CACNA2D3: variants seen among roughly 807,000 people sequenced by gnomAD.
CACNA2D3 encodes calcium voltage-gated channel auxiliary subunit alpha2delta 3.
A neutral mutation model predicts 160.6 loss-of-function variants in CACNA2D3; 60 were observed. The ratio of observed to expected loss-of-function variants is 0.37; its 90% CI spans 0.30 to 0.46. CACNA2D3 has a LOEUF of 0.46. Ranked by LOEUF, CACNA2D3 falls within the 20% of genes least tolerant of loss-of-function variation. The probability of loss-of-function intolerance (pLI) is 1.00; values close to 1 mark genes in which losing one functional copy is unlikely to be tolerated. For missense variants in CACNA2D3, 1,205 were observed against 1,365.0 expected, an observed-to-expected ratio of 0.88 and a Z score of 1.85; for synonymous variants, 558 against 492.9, an observed-to-expected ratio of 1.13 and a Z score of -1.75.
At chr3:54,359,607 G>T (rs1698708787) in intron 3 of CACNA2D3, among the ~76,000 whole-genome samples, 1 of 152,174 alleles carries the variant, frequency 6.6e-6, no homozygotes, top group Non-Finnish European at 1.5e-5. Flanking sequence ...GCGACACTCA[G>T]TGGAAATCAA....
chr3:54,898,968 T>C (rs548255133), intron 26 of CACNA2D3, among the ~76,000 whole-genome samples: 32 of 152,352 alleles, frequency 2.1e-4, no homozygotes, highest in African/African-American at 7.2e-4. Context: ...AACTGGTTTT[T>C]ATTGCTGCTT....
chr3:54,823,836 C>T (rs979121622), intron 14 of CACNA2D3, among the ~76,000 whole-genome samples: 11 of 152,074 alleles, frequency 7.2e-5, no homozygotes, highest in Non-Finnish European at 1.5e-4. Context: ...GGTAGGAGAA[C>T]AAATATGTAT....
At chr3:54,284,419 A>C (rs1413130939) in intron 2 of CACNA2D3, among the ~76,000 whole-genome samples, 2 of 151,912 alleles carry the variant, frequency 1.3e-5, no homozygotes, top group South Asian at 4.1e-4. Flanking sequence ...TGTATTTGTT[A>C]TATTGACAAA....
At chr3:54,837,306 G>A (rs1698715715) in intron 15 of CACNA2D3, 76 bp downstream of exon 15, 1 of 1,182,694 alleles carries the variant, frequency 8.5e-7, no homozygotes, top group Non-Finnish European at 1.3e-6. Context: ...TCCAGCTCTG[G>A]TGACTTTTGA....
intron 34 of CACNA2D3, among the ~76,000 whole-genome samples, chr3:55,012,632 TG>T (rs1703233921): frequency 6.6e-6 from 1 of 152,166 alleles, no homozygotes; most frequent in Admixed American, 6.5e-5. Flanking sequence ...CCCAGGGGAA[TG>T]GCTGGAGACA....
At chr3:54,308,152 C>G (rs541813812) in intron 2 of CACNA2D3, among the ~76,000 whole-genome samples, 16 of 152,282 alleles carry the variant, frequency 1.1e-4, no homozygotes, top group African/African-American at 3.9e-4. Context: ...TGTGGTTTAT[C>G]AAGCTTTTAA....
At chr3:54,990,704 C>T (rs1702719653) in intron 31 of CACNA2D3, among the ~76,000 whole-genome samples, 1 of 151,244 alleles carries the variant, frequency 6.6e-6, no homozygotes, top group African/African-American at 2.5e-5. Flanking sequence ...CAAGGTGATG[C>T]TTGTCTGGGT....
intron 14 of CACNA2D3, among the ~76,000 whole-genome samples, chr3:54,835,255 C>T (rs2106753556): frequency 6.6e-6 from 1 of 152,270 alleles, no homozygotes; most frequent in Admixed American, 6.5e-5. Flanking sequence ...CCAACACCTG[C>T]CAGCTTCTCT....
intron 2 of CACNA2D3, among the ~76,000 whole-genome samples, chr3:54,315,449 T>G (rs1343691828): frequency 6.6e-6 from 1 of 152,240 alleles, no homozygotes; most frequent in Non-Finnish European, 1.5e-5. Flanking sequence ...AAGCCACTGT[T>G]GGCTACAAAA....
At chr3:54,621,401 G>C (rs1258905627) in intron 9 of CACNA2D3, among the ~76,000 whole-genome samples, 1 of 152,236 alleles carries the variant, frequency 6.6e-6, no homozygotes, top group Non-Finnish European at 1.5e-5. Context: ...GGCACAGGGA[G>C]TGGTGGCGCC....
At chr3:54,726,918 G>T (rs185960065) in intron 11 of CACNA2D3, among the ~76,000 whole-genome samples, 25 of 152,216 alleles carry the variant, frequency 1.6e-4, no homozygotes, top group Non-Finnish European at 2.9e-4. Flanking sequence ...ACAAATGGGA[G>T]CTAATTAAAC....
chr3:54,486,424 T>C (rs1295595982), intron 4 of CACNA2D3, among the ~76,000 whole-genome samples: 1 of 152,174 alleles, frequency 6.6e-6, no homozygotes, highest in Non-Finnish European at 1.5e-5. Flanking sequence ...GCAGTGTTGC[T>C]GAACACTTTC....
At chr3:54,453,287 C>T (rs1421322346) in intron 4 of CACNA2D3, among the ~76,000 whole-genome samples, 4 of 152,138 alleles carry the variant, frequency 2.6e-5, no homozygotes, top group Admixed American at 6.5e-5. Context: ...GCCACTGTGC[C>T]CAGCCTCCTT....
chr3:54,981,650 T>C (rs991829184), intron 29 of CACNA2D3, among the ~76,000 whole-genome samples: 1 of 152,164 alleles, frequency 6.6e-6, no homozygotes, highest in Non-Finnish European at 1.5e-5. Flanking sequence ...TGAGCAGCCG[T>C]AGTGACCGGG....
intron 12 of CACNA2D3, among the ~76,000 whole-genome samples, chr3:54,761,790 G>C (rs192273068): frequency 2.1e-4 from 32 of 152,322 alleles, no homozygotes; most frequent in Middle Eastern, 3.4e-3. Flanking sequence ...ACTATGCAGA[G>C]CTGTCATCAG....
At chr3:54,366,620 C>CTACAT (rs1285557325) in intron 3 of CACNA2D3, among the ~76,000 whole-genome samples, 2 of 152,046 alleles carry the variant, frequency 1.3e-5, no homozygotes, top group African/African-American at 4.8e-5. Flanking sequence ...GGCACTGTGC[C>CTACAT]CATAAAGTAG....
intron 31 of CACNA2D3, among the ~76,000 whole-genome samples, chr3:55,003,304 G>T (rs181593717): frequency 6.6e-6 from 1 of 152,124 alleles, no homozygotes; most frequent in Non-Finnish European, 1.5e-5. Context: ...AGGGGATGCC[G>T]AAGGGAAGGG....
At chr3:54,596,964 C>T (rs1462584650) in intron 9 of CACNA2D3, among the ~76,000 whole-genome samples, 1 of 152,106 alleles carries the variant, frequency 6.6e-6, no homozygotes, top group African/African-American at 2.4e-5. Flanking sequence ...TCTCACTGCC[C>T]TCCCCACAGG....
At chr3:54,893,106 T>C (rs1433000651) in intron 25 of CACNA2D3, among the ~76,000 whole-genome samples, 1 of 152,122 alleles carries the variant, frequency 6.6e-6, no homozygotes, top group Non-Finnish European at 1.5e-5. Context: ...TGAAACCCTG[T>C]CTTTACTAAA....
Sources: allele counts gnomAD v4.1 joint callset (sites outside exome capture counted in the v4.1 genomes callset), GRCh38; gene constraint gnomAD v4.1.1; transcripts MANE v1.5; gene names NCBI Gene and HGNC (gene_info 2026-07-23, HGNC 2026-07-21).